LIPK: variants seen among roughly 807,000 people sequenced by gnomAD.
LIPK encodes the protein lipase member K.
Under a neutral mutation model 48.6 loss-of-function variants are expected in LIPK, and 32 were observed. That is an observed-to-expected ratio of 0.66 (90% CI 0.50 to 0.88). LIPK has a LOEUF of 0.88. Ranked by LOEUF, LIPK falls within the 40% of genes least tolerant of loss-of-function variation. LIPK has a pLI of 0.00. For missense variants in LIPK, 507 were observed against 478.5 expected (o/e 1.06, Z -0.56); for synonymous variants, 164 against 157.4 (o/e 1.04, Z -0.32).
At chr10:88,711,808 T>C (rs1274075540) in intron 1 of LIPK, among the ~76,000 whole-genome samples, 1 of 152,066 alleles carries the variant, frequency 6.6e-6, no homozygotes, top group Non-Finnish European at 1.5e-5. Context: ...AGAACAGAAG[T>C]TTTTTATTTT....
intron 1 of LIPK, among the ~76,000 whole-genome samples, chr10:88,710,114 C>T (rs1235704783): frequency 1.3e-5 from 2 of 151,656 alleles, no homozygotes; most frequent in Non-Finnish European, 2.9e-5. Flanking sequence ...ATTTAATGGA[C>T]TTATCTACAA....
Position 88,752,745 on chromosome 10 carries a change from T to A in LIPK, c.1189T>A (p.Leu397Ile). The change falls in exon 10 of 10, where the codon TTA (leucine) becomes ATA (isoleucine). Residue 397 changes from leucine to isoleucine, a missense_variant. Coordinates refer to ENST00000404190, the MANE Select transcript of LIPK (RefSeq NM_001080518.2). ...CCTAATTATATTGATGGAAGAATAT[T>A]TACAAAATTAAATGCACTTTACTTT... ...QDLIILMEEY[L>I]QN 1 of 1,544,646 alleles carries A rather than the reference T, an allele frequency of 6.5e-7. No individual in the cohort carries two copies.
chr10:88,752,638 T>C lies in LIPK; in HGVS notation c.1082T>C (p.Leu361Pro), dbSNP rs1005566703. The C allele has an allele frequency of 6.4e-7, 1 of 1,573,108 alleles. No homozygotes were observed. Among genetic ancestry groups the C allele is most frequent in the Non-Finnish European group, 8.6e-7 (1 of 1,157,004 alleles). Residue 361 changes from leucine (L) to proline (P), a missense_variant, in exon 10 of 10, where the codon CTT becomes CCT. Physicochemically the swap from Leu to Pro is moderately conservative, Grantham distance 98. Coordinates refer to ENST00000404190, the MANE Select transcript of LIPK (RefSeq NM_001080518.2). ...AATTTACTTCCTCAAATTGCTAACC[T>C]TATTTATTACAAGCTGATTCCACAC... ...VENLLPQIAN[L>P]IYYKLIPHYN...
chr10:88,718,981 C>G (rs2134699309), intron 1 of LIPK, among the ~76,000 whole-genome samples: 1 of 152,032 alleles, frequency 6.6e-6, no homozygotes, highest in South Asian at 2.1e-4. Context: ...TCAGTATGAG[C>G]AAAACTAGAG....
At chr10:88,750,796 T>A (rs1590165221) in intron 9 of LIPK, among the ~76,000 whole-genome samples, 1 of 151,964 alleles carries the variant, frequency 6.6e-6, no homozygotes, top group Non-Finnish European at 1.5e-5. Context: ...ACCCCCTGAA[T>A]CTAAAATAAA....
chr10:88,728,642 GA>G, intron 3 of LIPK: 1 of 489,362 alleles, frequency 2.0e-6, no homozygotes, highest in South Asian at 1.5e-5. Context: ...CCACCTACAG[GA>G]AGCTGCTGGA....
intron 6 of LIPK, among the ~76,000 whole-genome samples, chr10:88,736,155 G>GGAGGGAGGGGTA (rs1554956837): frequency 6.6e-6 from 1 of 151,220 alleles, no homozygotes; most frequent in Non-Finnish European, 1.5e-5. Flanking sequence ...AGGAAGGGAA[G>GGAGGGAGGGGTA]GAGGGAGAGG....
intron 3 of LIPK, chr10:88,728,235 T>A: frequency 5.2e-6 from 1 of 191,814 alleles, no homozygotes; most frequent in South Asian, 8.9e-5. Context: ...GGTCCTATCC[T>A]TGGACAACAG....
intron 1 of LIPK, among the ~76,000 whole-genome samples, chr10:88,706,980 C>T (rs1467709428): frequency 6.6e-6 from 1 of 151,962 alleles, no homozygotes; most frequent in African/African-American, 2.4e-5. Context: ...AATTGCAGAC[C>T]TGATTGGAAG....
At chr10:88,712,769 A>G (rs1842048199) in intron 1 of LIPK, among the ~76,000 whole-genome samples, 1 of 152,202 alleles carries the variant, frequency 6.6e-6, no homozygotes. Flanking sequence ...ATTTAAAATG[A>G]AAATGCTAGT....
At chr10:88,739,878 T>TA (rs933165964) in intron 7 of LIPK, 118 bp from the exon 8 acceptor site, 34 of 575,040 alleles carry the variant, frequency 5.9e-5, no homozygotes, top group South Asian at 1.7e-4. Context: ...AAAATAAAAA[T>TA]AAAAAAAAGA....
At chr10:88,732,698 C>T (rs969893708) in intron 6 of LIPK, 147 bp downstream of exon 6, 10 of 835,870 alleles carry the variant, frequency 1.2e-5, no homozygotes, top group Non-Finnish European at 1.9e-5. Flanking sequence ...ATGATGTATG[C>T]AATCTTATTA....
intron 2 of LIPK, among the ~76,000 whole-genome samples, chr10:88,726,165 C>G (rs1842334204): frequency 6.6e-6 from 1 of 152,184 alleles, no homozygotes. Flanking sequence ...TGGTTTCCCT[C>G]ATTAGATGAC....
chr10:88,720,666 C>T (rs1405148998), intron 1 of LIPK, among the ~76,000 whole-genome samples: 2 of 151,656 alleles, frequency 1.3e-5, no homozygotes, highest in African/African-American at 4.9e-5. Flanking sequence ...TATCCAGATA[C>T]ATGTGTGTGT....
chr10:88,731,001 A>G lies in LIPK; in HGVS notation c.242A>G (p.Tyr81Cys), dbSNP rs781720056. 17 of 1,588,544 alleles carry G rather than the reference A, an allele frequency of 1.1e-5. No individual in the cohort carries two copies. Among genetic ancestry groups the G allele is most frequent in the Admixed American group, 1.8e-5 (1 of 55,880 alleles). Reference sequence around the variant, plus strand: ...TTTGCAGCTCCAAAGCCTGCTGTGTATTTGCAGCATGGCTTAATTGCATCT... The same window carrying G: ...TTTGCAGCTCCAAAGCCTGCTGTGTGTTTGCAGCATGGCTTAATTGCATCT... ...PGRTAPKPAVYLQHGLIASAS... is the reference protein window; with the variant it reads ...PGRTAPKPAVCLQHGLIASAS... Residue 81 changes from tyrosine to cysteine, a missense_variant, in exon 4 of 10, where the codon TAT (tyrosine) becomes TGT (cysteine). Coordinates refer to ENST00000404190, the MANE Select transcript of LIPK (RefSeq NM_001080518.2).
At chr10:88,708,689 C>T (rs1490500446) in intron 1 of LIPK, among the ~76,000 whole-genome samples, 1 of 151,950 alleles carries the variant, frequency 6.6e-6, no homozygotes. Flanking sequence ...GATTTGATGC[C>T]TAATATCATC....
At chr10:88,751,599 A>G (rs1842864059) in intron 9 of LIPK, among the ~76,000 whole-genome samples, 1 of 152,094 alleles carries the variant, frequency 6.6e-6, no homozygotes, top group South Asian at 2.1e-4. Context: ...AAAATGTATA[A>G]CTCAACTCTA....
At chr10:88,752,398 T>C in intron 9 of LIPK, 119 bp from the exon 10 acceptor site, 1 of 671,928 alleles carries the variant, frequency 1.5e-6, no homozygotes, top group East Asian at 2.7e-5. Flanking sequence ...TACCATTAAG[T>C]GTAAACTAAT....
intron 1 of LIPK, among the ~76,000 whole-genome samples, chr10:88,717,471 T>G (rs905030441): frequency 2.0e-5 from 3 of 152,172 alleles, no homozygotes; most frequent in African/African-American, 7.2e-5. Context: ...ATGAGGAAGG[T>G]GGCATAGGCA....
Sources: gnomAD v4.1 joint callset for allele counts (sites outside exome capture counted in the v4.1 genomes callset) on GRCh38, gnomAD v4.1.1 for gene constraint, MANE v1.5 for transcripts, NCBI Gene and HGNC (gene_info 2026-07-23, HGNC 2026-07-21) for gene names.